DAB1: variants seen among roughly 807,000 people sequenced by gnomAD.
DAB1 encodes disabled homolog 1.
A neutral mutation model predicts 64.6 loss-of-function variants in DAB1; 15 were observed. That is an observed-to-expected ratio of 0.23 (90% CI 0.16 to 0.36). The LOEUF (loss-of-function observed/expected upper bound fraction) is 0.36, where lower values mean the gene tolerates loss of function less well. Ranked by LOEUF, DAB1 falls within the 10% of genes least tolerant of loss-of-function variation. The probability of loss-of-function intolerance (pLI) is 1.00; values close to 1 mark genes in which losing one functional copy is unlikely to be tolerated. For missense variants in DAB1, 596 were observed against 706.7 expected, an observed-to-expected ratio of 0.84 and a Z score of 1.78; for synonymous variants, 235 against 251.9, an observed-to-expected ratio of 0.93 and a Z score of 0.64.
chr1:57,010,931 A>G, intron 13 of DAB1, 141 bp from the exon 14 acceptor site: 1 of 860,272 alleles, frequency 1.2e-6, no homozygotes, highest in Non-Finnish European at 1.8e-6. Flanking sequence ...CTACACCACA[A>G]ATGTGGACTT....
At chr1:57,087,546 T>C (rs1222942117) in intron 4 of DAB1, among the ~76,000 whole-genome samples, 1 of 152,122 alleles carries the variant, frequency 6.6e-6, no homozygotes, top group Non-Finnish European at 1.5e-5. Flanking sequence ...TCTGAGGTCA[T>C]CTGTAGGGCC....
At chr1:58,228,371 G>C (rs527251717) in intron 4 of DAB1, among the ~76,000 whole-genome samples, 1 of 152,106 alleles carries the variant, frequency 6.6e-6, no homozygotes, top group Non-Finnish European at 1.5e-5. Context: ...CTTTTTGGGG[G>C]GGTAAGGGGA....
chr1:57,754,413 C>T (rs935131351), intron 6 of DAB1, among the ~76,000 whole-genome samples: 4 of 152,044 alleles, frequency 2.6e-5, no homozygotes, highest in South Asian at 4.1e-4. Context: ...CGGCTGGGCA[C>T]GGTGGCTCAT....
intron 4 of DAB1, among the ~76,000 whole-genome samples, chr1:58,234,530 G>A (rs1044462835): frequency 1.3e-5 from 2 of 152,206 alleles, no homozygotes; most frequent in East Asian, 1.9e-4. Context: ...AAGGCAGGGG[G>A]CTGGCAGCGT....
chr1:57,727,860 C>CA (rs1647251484), intron 6 of DAB1, among the ~76,000 whole-genome samples: 1 of 152,064 alleles, frequency 6.6e-6, no homozygotes, highest in Admixed American at 6.6e-5. Flanking sequence ...CACCTTTTCA[C>CA]AATATCTGGC....
intron 7 of DAB1, among the ~76,000 whole-genome samples, chr1:57,604,831 T>C (rs577173157): frequency 6.6e-6 from 1 of 152,344 alleles, no homozygotes; most frequent in East Asian, 1.9e-4. Context: ...ATGTTCTTAG[T>C]GTTGGTGAGA....
intron 7 of DAB1, among the ~76,000 whole-genome samples, chr1:57,567,532 C>T (rs1166744180): frequency 1.8e-4 from 28 of 152,268 alleles, no homozygotes; most frequent in Non-Finnish European, 1.2e-4. Flanking sequence ...AAAACCCCAT[C>T]GTCTCAGCCC....
intron 7 of DAB1, among the ~76,000 whole-genome samples, chr1:57,467,285 T>C (rs770357348): frequency 4.6e-5 from 7 of 152,204 alleles, no homozygotes; most frequent in Non-Finnish European, 8.8e-5. Flanking sequence ...ATTGATTTGA[T>C]GTTTTGAAGA....
rs58863239 is a variant in DAB1 at position 58,232,476 on chromosome 1, TACACACACACACACACACAC to T, written n.310-81908_310-81889del. Reference sequence around the variant, plus strand: ...CAGGATGGGCTGACATCTGAGTGAATACACACACACACACACACACACACACACACACACACACACACACA... The same window carrying T: ...CAGGATGGGCTGACATCTGAGTGAATACACACACACACACACACACACACA... On this transcript the variant is annotated intron_variant and non_coding_transcript_variant, in intron 4 of 20. Transcript: ENST00000485760. 2.2e-3 allele frequency among the ~76,000 whole-genome samples: 313 copies of T among 144,134 alleles called. 3 individuals are homozygous for T. Among genetic ancestry groups the T allele is most frequent in the African/African-American group, 7.1e-3 (273 of 38,620 alleles). The allele number at this position is 144,134 out of a possible 152,430, so 94.6% of individuals were successfully genotyped here.
intron 1 of DAB1, among the ~76,000 whole-genome samples, chr1:57,858,271 T>C (rs852802): frequency 0.39 from 59,178 of 152,010 alleles, 12,549 homozygotes; most frequent in Non-Finnish European, 0.49. Context: ...TGGGAGATTA[T>C]GGCTCCATAT....
At chr1:57,551,107 C>T (rs1341404311) in intron 7 of DAB1, among the ~76,000 whole-genome samples, 1 of 152,178 alleles carries the variant, frequency 6.6e-6, no homozygotes, top group Non-Finnish European at 1.5e-5. Flanking sequence ...CACACTCTTT[C>T]CATCTGCACT....
intron 4 of DAB1, among the ~76,000 whole-genome samples, chr1:58,276,897 A>C (rs1043989490): frequency 3.3e-5 from 5 of 151,976 alleles, no homozygotes; most frequent in African/African-American, 1.2e-4. Flanking sequence ...TGTTATGTAG[A>C]GTTAATTTGG....
intron 3 of DAB1, among the ~76,000 whole-genome samples, chr1:58,354,336 T>G (rs1409120563): frequency 6.6e-6 from 1 of 152,122 alleles, no homozygotes; most frequent in Non-Finnish European, 1.5e-5. Context: ...TTGTAACATA[T>G]TATAAAACAT....
chr1:57,172,952 A>G (rs1314811046), intron 2 of DAB1, among the ~76,000 whole-genome samples: 1 of 152,150 alleles, frequency 6.6e-6, no homozygotes, highest in Non-Finnish European at 1.5e-5. Flanking sequence ...TTTCCACTAC[A>G]TACTGCTAAC....
intron 2 of DAB1, among the ~76,000 whole-genome samples, chr1:57,179,816 C>A (rs546900164): frequency 6.6e-6 from 1 of 152,242 alleles, no homozygotes; most frequent in African/African-American, 2.4e-5. Context: ...AGGAAAAGTA[C>A]TATTTAAACA....
intron 5 of DAB1, among the ~76,000 whole-genome samples, chr1:58,098,843 T>C (rs1441602153): frequency 6.6e-6 from 1 of 152,216 alleles, no homozygotes; most frequent in Non-Finnish European, 1.5e-5. Flanking sequence ...GTCAGACTTC[T>C]AGCCCTCAAA....
intron 1 of DAB1, among the ~76,000 whole-genome samples, chr1:58,535,685 A>C (rs1646505849): frequency 6.6e-6 from 1 of 152,008 alleles, no homozygotes; most frequent in African/African-American, 2.4e-5. Flanking sequence ...ATTGAGCCAC[A>C]GGGCACATAA....
At chr1:57,044,678 A>G (rs1204128856) in intron 9 of DAB1, among the ~76,000 whole-genome samples, 1 of 152,238 alleles carries the variant, frequency 6.6e-6, no homozygotes, top group African/African-American at 2.4e-5. Flanking sequence ...GTTCTATGAA[A>G]AACCTTTTTA....
chr1:57,350,859 T>A (rs1321108553), intron 1 of DAB1, among the ~76,000 whole-genome samples: 1 of 152,158 alleles, frequency 6.6e-6, no homozygotes, highest in Non-Finnish European at 1.5e-5. Context: ...GTAAGATGAG[T>A]CTATATATCT....
Sources: gnomAD v4.1 joint callset for allele counts (sites outside exome capture counted in the v4.1 genomes callset) on GRCh38, gnomAD v4.1.1 for gene constraint, MANE v1.5 for transcripts, NCBI Gene and HGNC (gene_info 2026-07-23, HGNC 2026-07-21) for gene names.